Variants in LRBA observed in about 807,000 individuals in gnomAD.
The protein encoded by LRBA is LPS responsive beige-like anchor protein.
A neutral mutation model predicts 330.0 loss-of-function variants in LRBA; 176 were observed. That is an observed-to-expected ratio of 0.53 (90% confidence interval 0.47 to 0.60). The LOEUF is 0.60. LRBA is among the 20% of genes least tolerant of loss of function. The pLI is 0.00. For missense variants in LRBA, 3,259 were observed against 3,444.8 expected (o/e 0.95, Z 1.35); for synonymous variants, 1,230 against 1,193.0 (o/e 1.03, Z -0.64).
intron 2 of LRBA, among the ~76,000 whole-genome samples, chr4:150,987,209 C>T (rs966327838): frequency 6.6e-6 from 1 of 152,186 alleles, no homozygotes; most frequent in African/African-American, 2.4e-5. Context: ...GGATTGTAAA[C>T]AGACTTTGAT....
intron 53 of LRBA, 113 bp from the exon 54 acceptor site, chr4:150,286,147 T>C: frequency 1.3e-6 from 1 of 770,574 alleles, no homozygotes; most frequent in South Asian, 1.7e-5. Context: ...GTTTGGGAAT[T>C]TGTCCAGCAA....
intron 22 of LRBA, among the ~76,000 whole-genome samples, chr4:150,862,990 A>G (rs1006867206): frequency 1.6e-5 from 2 of 125,352 alleles, no homozygotes; most frequent in Non-Finnish European, 3.1e-5. Context: ...TTTAAAAAAG[A>G]CACACACACA....
chr4:150,976,653 T>C (rs1412599989), intron 2 of LRBA, among the ~76,000 whole-genome samples: 5 of 152,080 alleles, frequency 3.3e-5, no homozygotes, highest in Non-Finnish European at 5.9e-5. Flanking sequence ...TTAACAACCA[T>C]GTCCACAAAA....
chr4:150,943,763 A>G (rs1735928836), intron 2 of LRBA, among the ~76,000 whole-genome samples: 4 of 152,192 alleles, frequency 2.6e-5, no homozygotes. Flanking sequence ...AAATCACACT[A>G]ACCCCTCATC....
At chr4:150,452,028 T>C (rs1346354767) in intron 44 of LRBA, among the ~76,000 whole-genome samples, 1 of 152,204 alleles carries the variant, frequency 6.6e-6, no homozygotes, top group Non-Finnish European at 1.5e-5. Flanking sequence ...TTGTATATCA[T>C]CTTTTCCAGG....
At chr4:150,471,905 A>G (rs1756176493) in intron 42 of LRBA, among the ~76,000 whole-genome samples, 166 bp from the exon 43 acceptor site, 1 of 152,152 alleles carries the variant, frequency 6.6e-6, no homozygotes, top group Non-Finnish European at 1.5e-5. Context: ...GGTTAAACAA[A>G]TGATTTAGAC....
chr4:150,640,546 A>C (rs1561459478), intron 37 of LRBA, among the ~76,000 whole-genome samples: 1 of 152,222 alleles, frequency 6.6e-6, no homozygotes, highest in Non-Finnish European at 1.5e-5. Context: ...CTCATAGATA[A>C]GGAATAATTG....
At chr4:150,401,358 T>C (rs4696134) in intron 47 of LRBA, among the ~76,000 whole-genome samples, 34,332 of 152,060 alleles carry the variant, frequency 0.23, 4,468 homozygotes, top group Non-Finnish European at 0.31. Flanking sequence ...TGACTTTAAG[T>C]AAAATGACAC....
At position 150,321,096 on chromosome 4, in the gene LRBA, AT is replaced by A; in HGVS notation, c.7630+94del. 8.3e-6 allele frequency: 10 copies of A among 1,203,168 alleles called. 1 individual carries two copies. The highest frequency in any genetic ancestry group is 1.2e-5 in the Non-Finnish European group (10 of 860,502). 74.5% of individuals were successfully genotyped at this position (1,203,168 alleles called of 1,614,324 possible). ...ATTTGATTCAGACTAATGCTTGAAA[AT>A]TAAAAGCTTAAATGTTGAGATATGC... On this transcript the variant is annotated intron_variant, in intron 50 of 56. Transcript: ENST00000651943. The surrounding 1 kb of genome is among the most constrained non-coding windows in gnomAD (Gnocchi z 4.5).
intron 2 of LRBA, among the ~76,000 whole-genome samples, chr4:150,937,214 T>C (rs918382886): frequency 1.1e-4 from 16 of 152,136 alleles, no homozygotes; most frequent in African/African-American, 3.6e-4. Flanking sequence ...TTTGATATAC[T>C]ATATGTATGC....
intron 36 of LRBA, among the ~76,000 whole-genome samples, chr4:150,694,478 C>CAAAAAAAAAAAAAAAAAAAAAA (rs1784445227): frequency 5.2e-5 from 1 of 19,126 alleles, no homozygotes; most frequent in African/African-American, 9.8e-5. Context: ...AAAAAAAAAG[C>CAAAAAAAAAAAAAAAAAAAAAA]TATCTACAGA....
At chr4:150,455,878 G>A (rs1019135778) in intron 44 of LRBA, among the ~76,000 whole-genome samples, 1 of 151,840 alleles carries the variant, frequency 6.6e-6, no homozygotes, top group Non-Finnish European at 1.5e-5. Flanking sequence ...TTAGTTCAAT[G>A]GTTTTGATTT....
At chr4:150,481,707 A>C (rs1031260112) in intron 42 of LRBA, among the ~76,000 whole-genome samples, 2 of 152,068 alleles carry the variant, frequency 1.3e-5, no homozygotes, top group African/African-American at 4.8e-5. Context: ...TCTTTCATTT[A>C]GCATAACACT....
At chr4:150,926,668 A>C (rs1037719955) in intron 4 of LRBA, among the ~76,000 whole-genome samples, 1 of 152,234 alleles carries the variant, frequency 6.6e-6, no homozygotes, top group Non-Finnish European at 1.5e-5. Flanking sequence ...GACATTCTAG[A>C]ATGAAAAACC....
chr4:150,923,638 C>A (rs1733573307), intron 4 of LRBA, among the ~76,000 whole-genome samples: 1 of 152,160 alleles, frequency 6.6e-6, no homozygotes, highest in Non-Finnish European at 1.5e-5. Flanking sequence ...GTCTCTAATA[C>A]ATGAAACAAC....
intron 40 of LRBA, among the ~76,000 whole-genome samples, chr4:150,495,056 T>A (rs1318296759): frequency 6.6e-6 from 1 of 151,684 alleles, no homozygotes; most frequent in Non-Finnish European, 1.5e-5. Context: ...AGTAACCTTA[T>A]AAAATCATAA....
At chr4:150,919,116 T>C (rs550108464) in intron 5 of LRBA, among the ~76,000 whole-genome samples, 22 of 152,320 alleles carry the variant, frequency 1.4e-4, no homozygotes, top group African/African-American at 5.3e-4. Context: ...TGGATGGACC[T>C]TGAAAACATT....
chr4:150,787,467 C>T (rs1739247603), intron 34 of LRBA, among the ~76,000 whole-genome samples: 1 of 152,060 alleles, frequency 6.6e-6, no homozygotes, highest in African/African-American at 2.4e-5. Context: ...TTGTTTAACA[C>T]CTTTTACTAG....
At chr4:150,477,598 G>A (rs769943271) in intron 42 of LRBA, among the ~76,000 whole-genome samples, 2 of 152,060 alleles carry the variant, frequency 1.3e-5, no homozygotes, top group Admixed American at 6.6e-5. Flanking sequence ...ATGAGATTTG[G>A]GTGGGGACAC....
Sources: allele counts gnomAD v4.1 joint callset (sites outside exome capture counted in the v4.1 genomes callset), GRCh38; gene constraint gnomAD v4.1.1; non-coding constraint Gnocchi (gnomAD v3.1); transcripts MANE v1.5; gene names NCBI Gene and HGNC (gene_info 2026-07-23, HGNC 2026-07-21).